GUCY1A1: variants seen among roughly 807,000 people sequenced by gnomAD.
The protein encoded by GUCY1A1 is guanylate cyclase 1 soluble subunit alpha 1, also known as guanylate cyclase soluble subunit alpha-1.
Under a neutral mutation model 64.5 loss-of-function variants are expected in GUCY1A1, and 48 were observed. That is an observed-to-expected ratio of 0.74 (90% CI 0.59 to 0.95). The LOEUF (loss-of-function observed/expected upper bound fraction) is 0.95. Ranked by LOEUF, GUCY1A1 falls within the 40% of genes least tolerant of loss-of-function variation. The pLI is 0.00. For missense variants in GUCY1A1, 804 were observed against 825.3 expected, an observed-to-expected ratio of 0.97 and a Z score of 0.32; for synonymous variants, 308 against 303.4, an observed-to-expected ratio of 1.02 and a Z score of -0.16.
intron 4 of GUCY1A1, among the ~76,000 whole-genome samples, chr4:155,704,576 T>A (rs2126800863): frequency 6.6e-6 from 1 of 152,278 alleles, no homozygotes; most frequent in South Asian, 2.1e-4. Context: ...TGTTTATTAA[T>A]CCTTAGGGAA....
intron 2 of GUCY1A1, among the ~76,000 whole-genome samples, chr4:155,677,813 C>T (rs1393453167): frequency 6.6e-6 from 1 of 151,954 alleles, no homozygotes; most frequent in African/African-American, 2.4e-5. Flanking sequence ...GTTCGTGCCA[C>T]TGTACTCCAG....
intron 9 of GUCY1A1, 135 bp from the exon 10 acceptor site, chr4:155,729,895 C>A: frequency 1.7e-6 from 1 of 597,826 alleles, no homozygotes; most frequent in Non-Finnish European, 3.0e-6. Context: ...CTGTTAATCT[C>A]GTTAGACTTT....
chr4:155,710,784 C>G lies in GUCY1A1; in HGVS notation c.619C>G (p.Pro207Ala). 6.2e-7 allele frequency: 1 copy of G among 1,614,000 alleles called. No individual in the cohort carries two copies. The highest frequency in any genetic ancestry group is 8.5e-7 in the Non-Finnish European group (1 of 1,179,902). The change falls in exon 6 of 10, where the codon CCT becomes GCT. Residue 207 changes from proline (P) to alanine (A), a missense_variant. Transcript: ENST00000506455. ...TTTTCTACATGTTTACTACTTCTTCCCTAAGAGAACCACCTCCCTGATTCT... is the reference window on the plus strand; with the variant it reads ...TTTTCTACATGTTTACTACTTCTTCGCTAAGAGAACCACCTCCCTGATTCT... ...DDFLHVYYFF[P>A]KRTTSLILPG...
At chr4:155,677,395 T>G (rs1380609097) in intron 2 of GUCY1A1, among the ~76,000 whole-genome samples, 3 of 152,212 alleles carry the variant, frequency 2.0e-5, no homozygotes, top group Admixed American at 1.3e-4. Context: ...CATTATACAG[T>G]GTCAAAAGTT....
intron 2 of GUCY1A1, among the ~76,000 whole-genome samples, chr4:155,693,810 G>A (rs966960342): frequency 1.3e-5 from 2 of 152,138 alleles, no homozygotes; most frequent in African/African-American, 2.4e-5. Flanking sequence ...AGGTTGACTG[G>A]TCAATTGTAT....
intron 2 of GUCY1A1, among the ~76,000 whole-genome samples, chr4:155,681,296 G>A (rs1309503720): frequency 6.6e-6 from 1 of 152,108 alleles, no homozygotes; most frequent in East Asian, 1.9e-4. Flanking sequence ...TGTACTTTGA[G>A]CTAACTTTTG....
intron 2 of GUCY1A1, among the ~76,000 whole-genome samples, chr4:155,690,688 G>C (rs1187165155): frequency 1.3e-5 from 2 of 152,084 alleles, no homozygotes; most frequent in Non-Finnish European, 2.9e-5. Context: ...TTGGCCTGAC[G>C]CAGCTCAGAT....
At chr4:155,689,262 A>T (rs554926121) in intron 2 of GUCY1A1, among the ~76,000 whole-genome samples, 1 of 152,074 alleles carries the variant, frequency 6.6e-6, no homozygotes, top group Non-Finnish European at 1.5e-5. Context: ...TTTTAAAGTG[A>T]CTAAGCCTCT....
rs1305455144 is a variant in GUCY1A1 at position 155,674,963 on chromosome 4, T to C, written c.-113+7544T>C. 1.3e-5 allele frequency among the ~76,000 whole-genome samples: 2 copies of C among 151,518 alleles called. 1 individual carries two copies. The highest frequency in any genetic ancestry group is 4.9e-5 in the African/African-American group (2 of 40,784). The stretch of plus-strand genomic sequence containing the variant: ...CACAGTAGGTTTGCCTGCACGAACA[T>C]CTCCACGAGCATTTCAGTTATGCAT... On this transcript the variant is annotated intron_variant, in intron 2 of 9. Transcript: ENST00000506455.
intron 9 of GUCY1A1, among the ~76,000 whole-genome samples, chr4:155,728,888 T>C (rs1284027280): frequency 6.6e-6 from 1 of 151,930 alleles, no homozygotes; most frequent in Non-Finnish European, 1.5e-5. Context: ...TAATACTGTC[T>C]AATTCTATAC....
intron 2 of GUCY1A1, among the ~76,000 whole-genome samples, chr4:155,693,678 A>G (rs1391537276): frequency 1.3e-5 from 2 of 152,218 alleles, no homozygotes; most frequent in African/African-American, 4.8e-5. Context: ...ACACTTAACT[A>G]TCTTAAAGTA....
intron 8 of GUCY1A1, among the ~76,000 whole-genome samples, chr4:155,718,215 A>G (rs1256578539): frequency 6.6e-6 from 1 of 152,102 alleles, no homozygotes; most frequent in African/African-American, 2.4e-5. Flanking sequence ...TAAGCCTTTG[A>G]GGTATTGTAA....
chr4:155,687,404 T>C (rs1230280875), intron 2 of GUCY1A1, among the ~76,000 whole-genome samples: 3 of 152,322 alleles, frequency 2.0e-5, no homozygotes, highest in African/African-American at 7.2e-5. Flanking sequence ...CTATGGATGC[T>C]AGGCAAGACC....
chr4:155,683,708 G>GC (rs1223593654), intron 2 of GUCY1A1, among the ~76,000 whole-genome samples: 1 of 152,200 alleles, frequency 6.6e-6, no homozygotes, highest in Non-Finnish European at 1.5e-5. Context: ...GACAGTGAAA[G>GC]CAATTTTATA....
chr4:155,698,971 T>A (rs1579057274), intron 3 of GUCY1A1, among the ~76,000 whole-genome samples: 1 of 152,166 alleles, frequency 6.6e-6, no homozygotes, highest in Admixed American at 6.5e-5. Context: ...TATTTAGTTG[T>A]CTGTCTGTGT....
intron 3 of GUCY1A1, among the ~76,000 whole-genome samples, chr4:155,702,226 CA>C (rs1181056634): frequency 1.3e-5 from 2 of 152,146 alleles, no homozygotes; most frequent in African/African-American, 4.8e-5. Flanking sequence ...GGCACAAAGG[CA>C]GCAACCCTTA....
intron 2 of GUCY1A1, among the ~76,000 whole-genome samples, chr4:155,672,019 T>A (rs1016017798): frequency 6.2e-5 from 2 of 32,258 alleles, no homozygotes; most frequent in African/African-American, 3.2e-4. Flanking sequence ...CCCCCCTCCG[T>A]TTTTTTTTTG....
rs1006214532 is a variant in GUCY1A1, at chr4:155,695,380, A to G, written c.-112-1376A>G. On this transcript the variant is annotated intron_variant, in intron 2 of 9. Coordinates refer to ENST00000506455, the MANE Select transcript of GUCY1A1 (RefSeq NM_001130682.3). ...AAAAACCTAATTGAACTTCAACTCT[A>G]AAGATTCAAATATAAGGCTGAATCT... Among the ~76,000 whole-genome samples, 58 of 152,338 alleles carry G rather than the reference A, an allele frequency of 3.8e-4. 1 individual carries two copies. Among genetic ancestry groups the G allele is most frequent in the Admixed American group, 3.2e-3 (49 of 15,306 alleles).
In GUCY1A1 at chr4:155,710,684, C is replaced by T. The variant is rs758645375; in HGVS notation, c.519C>T (p.Ser173=). The change falls in exon 6 of 10, where the codon AGC becomes AGT. Residue 173 remains serine, a synonymous_variant. Transcript: ENST00000506455. ...GCTTCAGTACCCTTCTGAAACAGAG[C>T]AGCCATTGCCAAGAAGCAGGAAAAA... is the stretch of plus-strand genomic sequence containing the variant. ...LNSFSTLLKQ[S]SHCQEAGKRG... 2 of 1,613,976 alleles carry T rather than the reference C, an allele frequency of 1.2e-6. No individual in the cohort carries two copies. Among genetic ancestry groups the T allele is most frequent in the East Asian group, 2.2e-5 (1 of 44,868 alleles).
Sources: gnomAD v4.1 joint callset for allele counts (sites outside exome capture counted in the v4.1 genomes callset) on GRCh38, gnomAD v4.1.1 for gene constraint, MANE v1.5 for transcripts, NCBI Gene and HGNC (gene_info 2026-07-23, HGNC 2026-07-21) for gene names.